The following PTPRD variants were observed in gnomAD, a reference collection of about 807,000 sequenced individuals.
PTPRD encodes protein tyrosine phosphatase receptor type D.
A neutral mutation model predicts 214.5 loss-of-function variants in PTPRD; 34 were observed. The observed-to-expected ratio is 0.16, with a 90% CI of 0.12 to 0.21. The LOEUF (loss-of-function observed/expected upper bound fraction) is 0.21. Ranked by LOEUF, PTPRD falls within the 10% of genes least tolerant of loss-of-function variation. The pLI is 1.00. For synonymous variants in PTPRD, 1,128 were observed against 845.7 expected, an observed-to-expected ratio of 1.33 and a Z score of -5.79; for missense variants, 2,545 against 2,398.7, an observed-to-expected ratio of 1.06 and a Z score of -1.27.
chr9:9,450,066 TTC>T (rs2091680980), intron 8 of PTPRD, among the ~76,000 whole-genome samples: 1 of 151,642 alleles, frequency 6.6e-6, no homozygotes. Flanking sequence ...CATTATTTTG[TTC>T]TGTTTTATGG....
rs1170545348 is a variant in PTPRD, at chr9:8,948,403, T to TAA, written c.-104+70292_-104+70293dup. Among the ~76,000 whole-genome samples the TAA allele has an allele frequency of 2.5e-3, 217 of 85,914 alleles. 11 individuals are homozygous for TAA. Among genetic ancestry groups the TAA allele is most frequent in the African/African-American group, 9.6e-3 (204 of 21,340 alleles). 56.4% of individuals were successfully genotyped at this position (85,914 alleles called of 152,430 possible). ...TTGTTATTGGTATGTCCATTGGGTTTAAAATATATATATATATATATTTAT... is the reference window on the plus strand; with the variant it reads ...TTGTTATTGGTATGTCCATTGGGTTTAAAAAATATATATATATATATATTTAT... On this transcript the variant is annotated intron_variant, in intron 11 of 45. Transcript: ENST00000381196.
At chr9:9,461,569 T>C (rs141592675) in intron 8 of PTPRD, among the ~76,000 whole-genome samples, 47 of 152,180 alleles carry the variant, frequency 3.1e-4, no homozygotes, top group African/African-American at 9.6e-4. Context: ...CATTTGAGGG[T>C]ATTTGAACCA....
At chr9:8,743,849 C>T (rs10977273) in intron 11 of PTPRD, among the ~76,000 whole-genome samples, 1 of 150,272 alleles carries the variant, frequency 6.7e-6, no homozygotes, top group Admixed American at 6.6e-5. Context: ...AGTTAACAGA[C>T]AACCTACAGA....
chr9:10,169,061 A>G (rs931404983), intron 3 of PTPRD, among the ~76,000 whole-genome samples: 5 of 152,198 alleles, frequency 3.3e-5, no homozygotes, highest in Admixed American at 1.3e-4. Flanking sequence ...ATATACAGAT[A>G]TCTTTCAGAA....
At chr9:10,419,705 C>T (rs895810192) in intron 2 of PTPRD, among the ~76,000 whole-genome samples, 2 of 151,530 alleles carry the variant, frequency 1.3e-5, no homozygotes, top group Admixed American at 1.3e-4. Context: ...TGAAGAGGTC[C>T]AATTAGGATT....
intron 11 of PTPRD, among the ~76,000 whole-genome samples, chr9:8,750,979 C>T (rs1331132583): frequency 1.3e-5 from 2 of 152,170 alleles, no homozygotes; most frequent in South Asian, 2.1e-4. Context: ...TAGAGACTTC[C>T]AATCCATTTA....
chr9:8,952,957 G>GATT, intron 11 of PTPRD, among the ~76,000 whole-genome samples: 1 of 151,516 alleles, frequency 6.6e-6, no homozygotes, highest in South Asian at 2.1e-4. Context: ...GTATATGTTA[G>GATT]GTTATACCTA....
At chr9:10,092,244 A>G (rs1457051085) in intron 3 of PTPRD, among the ~76,000 whole-genome samples, 2 of 151,466 alleles carry the variant, frequency 1.3e-5, no homozygotes, top group Non-Finnish European at 3.0e-5. Flanking sequence ...TTTCTGAGCA[A>G]AATGCCCATT....
intron 7 of PTPRD, among the ~76,000 whole-genome samples, chr9:9,641,452 C>T (rs1209501764): frequency 6.6e-6 from 1 of 152,016 alleles, no homozygotes; most frequent in African/African-American, 2.4e-5. Flanking sequence ...CATTTTTAAC[C>T]CCATGAACTG....
intron 9 of PTPRD, among the ~76,000 whole-genome samples, chr9:9,283,144 T>C (rs13299674): frequency 0.1 from 15,762 of 151,410 alleles, 811 homozygotes; most frequent in Middle Eastern, 0.17. Flanking sequence ...TTTTTATAAT[T>C]GGACCTCTGG....
chr9:10,280,201 T>G (rs2095017944), intron 3 of PTPRD, among the ~76,000 whole-genome samples: 1 of 152,162 alleles, frequency 6.6e-6, no homozygotes, highest in African/African-American at 2.4e-5. Flanking sequence ...AGAAGTTTCC[T>G]TCCAAAATTA....
intron 10 of PTPRD, among the ~76,000 whole-genome samples, chr9:9,139,617 TG>T (rs142362010): frequency 0.33 from 49,609 of 151,652 alleles, 8,638 homozygotes; most frequent in Non-Finnish European, 0.39. Flanking sequence ...GGACAAAGGG[TG>T]GATTCATGTC....
intron 11 of PTPRD, among the ~76,000 whole-genome samples, chr9:8,749,161 T>C (rs1224124430): frequency 6.6e-6 from 1 of 152,144 alleles, no homozygotes; most frequent in Non-Finnish European, 1.5e-5. Context: ...CCCATTGCCC[T>C]AGATATAGTT....
At chr9:9,306,323 G>A (rs1452943039) in intron 9 of PTPRD, among the ~76,000 whole-genome samples, 1 of 151,658 alleles carries the variant, frequency 6.6e-6, no homozygotes, top group African/African-American at 2.4e-5. Flanking sequence ...CAGCACTTTG[G>A]GAGGCCTAGG....
chr9:10,324,041 A>G (rs902658795), intron 3 of PTPRD, among the ~76,000 whole-genome samples: 35 of 152,218 alleles, frequency 2.3e-4, no homozygotes, highest in African/African-American at 7.9e-4. Flanking sequence ...AACATTTAAA[A>G]TTGGTTGCTA....
chr9:9,433,780 C>T (rs954683235), intron 8 of PTPRD, among the ~76,000 whole-genome samples: 2 of 152,092 alleles, frequency 1.3e-5, no homozygotes, highest in African/African-American at 4.8e-5. Flanking sequence ...ACCAAAATGG[C>T]CATTGCATGT....
At chr9:9,008,755 A>C (rs1475887107) in intron 11 of PTPRD, among the ~76,000 whole-genome samples, 1 of 152,150 alleles carries the variant, frequency 6.6e-6, no homozygotes, top group Non-Finnish European at 1.5e-5. Flanking sequence ...CTTAGTTATT[A>C]CTGGGATTTG....
chr9:8,505,197 A>G (rs2097516500), intron 22 of PTPRD, among the ~76,000 whole-genome samples: 1 of 152,198 alleles, frequency 6.6e-6, no homozygotes, highest in African/African-American at 2.4e-5. Flanking sequence ...ATAAGTGTCT[A>G]TGGGTAATCA....
chr9:10,080,359 G>C (rs1354956984), intron 3 of PTPRD, among the ~76,000 whole-genome samples: 1 of 152,116 alleles, frequency 6.6e-6, no homozygotes, highest in Admixed American at 6.6e-5. Flanking sequence ...AATGTGAAAT[G>C]TTAACACTGT....
Sources: gnomAD v4.1 joint callset for allele counts (sites outside exome capture counted in the v4.1 genomes callset) on GRCh38, gnomAD v4.1.1 for gene constraint, MANE v1.5 for transcripts, NCBI Gene and HGNC (gene_info 2026-07-23, HGNC 2026-07-21) for gene names.